Variants in COL16A1 observed in about 807,000 individuals in gnomAD.
COL16A1 encodes collagen alpha-1(XVI) chain.
In COL16A1, 189 loss-of-function variants were observed where a neutral mutation model predicts 266.3. The ratio of observed to expected loss-of-function variants is 0.71; its 90% confidence interval spans 0.63 to 0.80. The LOEUF is 0.80. Among genes scored for constraint, COL16A1 ranks in the 30% least tolerant of loss-of-function variants. The probability of loss-of-function intolerance (pLI) is 0.00; values close to 1 mark genes in which losing one functional copy is unlikely to be tolerated. For missense variants in COL16A1, 1,928 were observed against 2,122.4 expected, an observed-to-expected ratio of 0.91 and a Z score of 1.80; for synonymous variants, 740 against 782.3, an observed-to-expected ratio of 0.95 and a Z score of 0.90.
Position 31,697,382 on chromosome 1 carries a change from C to T in COL16A1, c.658-82G>A. On this transcript the variant is annotated intron_variant, in intron 6 of 70. Coordinates refer to ENST00000373672, the MANE Select transcript of COL16A1 (RefSeq NM_001856.4). The surrounding 1 kb of genome is among the most constrained non-coding windows in gnomAD (Gnocchi z 4.2). Reference sequence around the variant, plus strand: ...GGCCCCCCAGGAGGCACAGAGATGTCTCTGCCCCAGGATGTGACCTCAGGG... The same window carrying T: ...GGCCCCCCAGGAGGCACAGAGATGTTTCTGCCCCAGGATGTGACCTCAGGG... 3 of 1,379,638 alleles carry T rather than the reference C, an allele frequency of 2.2e-6. No homozygotes were observed. Among genetic ancestry groups the T allele is most frequent in the Non-Finnish European group, 3.0e-6 (3 of 1,005,382 alleles). The allele number at this position is 1,379,638 out of a possible 1,614,324, so 85.5% of individuals were successfully genotyped here. A position where few individuals can be genotyped will look rare whatever the true frequency, so the allele number is the denominator to read the frequency against.
intron 1 of COL16A1, among the ~76,000 whole-genome samples, chr1:31,703,611 G>A (rs1644796716): frequency 6.6e-6 from 1 of 152,238 alleles, no homozygotes; most frequent in Non-Finnish European, 1.5e-5. Flanking sequence ...AGGGCTGCAA[G>A]GACAGAGCCA....
chr1:31,660,552 T>C, intron 62 of COL16A1, 33 bp downstream of exon 62: 1 of 1,613,142 alleles, frequency 6.2e-7, no homozygotes, highest in African/African-American at 1.3e-5. Context: ...TGCTAACTCT[T>C]ATGGAGACAG....
rs1417082463 is a variant in COL16A1, at chr1:31,698,472, G to A, written c.390+11C>T. 1.2e-6 allele frequency: 2 copies of A among 1,613,924 alleles called. No individual in the cohort carries two copies. Among genetic ancestry groups the A allele is most frequent in the African/African-American group, 2.7e-5 (2 of 74,904 alleles). On this transcript the variant is annotated intron_variant, in intron 5 of 70. Transcript: ENST00000373672. This position sits in a 1 kb window ranked among gnomAD's most constrained non-coding sequence, Gnocchi z 4.1. ...GCCCTAAGAGGCAATCAGGGCACAG[G>A]GGAGGTTCACCTGTGGATACCCATT...
At chr1:31,696,475 A>T (rs1260155926) in intron 8 of COL16A1, among the ~76,000 whole-genome samples, 1 of 152,320 alleles carries the variant, frequency 6.6e-6, no homozygotes, top group East Asian at 1.9e-4. Flanking sequence ...CCAGGCTTCC[A>T]TGCCACCTCT....
At chr1:31,677,104 T>A (rs1053762716) in intron 42 of COL16A1, among the ~76,000 whole-genome samples, 1 of 146,670 alleles carries the variant, frequency 6.8e-6, no homozygotes, top group African/African-American at 2.5e-5. Flanking sequence ...TATTATTATT[T>A]TTGAGATGTA....
chr1:31,687,795 AG>A (rs1321931292), intron 26 of COL16A1, among the ~76,000 whole-genome samples: 1 of 152,146 alleles, frequency 6.6e-6, no homozygotes, highest in Non-Finnish European at 1.5e-5. Flanking sequence ...TTCCCCTGTT[AG>A]GGTTGAGTCT....
intron 31 of COL16A1, 96 bp from the exon 32 acceptor site, chr1:31,684,327 G>A: frequency 6.9e-7 from 1 of 1,445,318 alleles, no homozygotes; most frequent in Admixed American, 2.8e-5. Context: ...CCCCTTGAAT[G>A]CTCCCACGTC....
Position 31,691,226 on chromosome 1 carries a change from CCT to C in COL16A1, c.1399-2_1399-1del. The C allele has an allele frequency of 6.2e-7, 1 of 1,613,992 alleles. No individual in the cohort carries two copies. Among genetic ancestry groups the C allele is most frequent in the Middle Eastern group, 1.7e-4 (1 of 6,056 alleles). On this transcript the variant is annotated splice_acceptor_variant, in intron 19 of 70. Transcript: ENST00000373672. LOFTEE classifies it high-confidence loss of function. ...GGGCCTGGTGGGCCACCTGGATCCC[CCT>C]GAGGGCAGAAACAGAGTCACGTGGA...
chr1:31,656,998 C>A lies in COL16A1; in HGVS notation c.4056+35G>T, dbSNP rs1397719010. On this transcript the variant is annotated intron_variant, in intron 65 of 70. Transcript: ENST00000373672. The surrounding 1 kb of genome is among the most constrained non-coding windows in gnomAD (Gnocchi z 4.2). ...GGGCAAGGCGAGGAGCAAGAAGCAC[C>A]CCCAAGGAAACAGAGAAGACCAGTA... The A allele has an allele frequency of 6.2e-7, 1 of 1,614,088 alleles. No homozygotes were observed. The highest frequency in any genetic ancestry group is 1.1e-5 in the South Asian group (1 of 91,080).
In COL16A1 at chr1:31,696,961, A is replaced by C. The variant is rs759825393; in HGVS notation, c.864+2T>G. 1 of 1,613,630 alleles carries C rather than the reference A, an allele frequency of 6.2e-7. No homozygotes were observed. The highest frequency in any genetic ancestry group is 8.5e-7 in the Non-Finnish European group (1 of 1,179,986). On this transcript the variant is annotated splice_donor_variant, in intron 8 of 70. Transcript: ENST00000373672. LOFTEE classifies it high-confidence loss of function. The stretch of plus-strand genomic sequence containing the variant: ...TGGCATCCACCTGTCCTGCCCACCC[A>C]CCTCGCTGTTTTGAGGCTCCTCCAG...
In COL16A1 at chr1:31,688,853, T is replaced by C. The variant is rs372797676; in HGVS notation, c.1767+8A>G. 6.2e-7 allele frequency: 1 copy of C among 1,611,410 alleles called. No homozygotes were observed. The highest frequency in any genetic ancestry group is 8.5e-7 in the Non-Finnish European group (1 of 1,178,596). On this transcript the variant is annotated splice_region_variant and intron_variant, in intron 25 of 70. Coordinates refer to ENST00000373672, the MANE Select transcript of COL16A1 (RefSeq NM_001856.4). The surrounding 1 kb of genome is among the most constrained non-coding windows in gnomAD (Gnocchi z 4.9). ...ACTGGGCTGGGCTGGGAGAAAGTCGTCACTCACCGGAAGGCCAGGCAGACC... is the reference window on the plus strand; with the variant it reads ...ACTGGGCTGGGCTGGGAGAAAGTCGCCACTCACCGGAAGGCCAGGCAGACC...
At chr1:31,679,955 T>C (rs1570479450) in intron 40 of COL16A1, 87 bp downstream of exon 40, 1 of 1,579,712 alleles carries the variant, frequency 6.3e-7, no homozygotes, top group African/African-American at 1.4e-5. Context: ...TGCGTGGCCC[T>C]GCGGGGCCTT....
At position 31,691,243 on chromosome 1, in the gene COL16A1, A is replaced by G. The variant is rs1199427367; in HGVS notation, c.1399-17T>C. 6.2e-7 allele frequency: 1 copy of G among 1,613,532 alleles called. No individual in the cohort carries two copies. The highest frequency in any genetic ancestry group is 1.1e-5 in the South Asian group (1 of 90,978). On this transcript the variant is annotated splice_polypyrimidine_tract_variant and intron_variant, in intron 19 of 70. Transcript: ENST00000373672. ...TGGATCCCCCTGAGGGCAGAAACAGAGTCACGTGGAAGTTTCCAGGGACCA... is the reference window on the plus strand; with the variant it reads ...TGGATCCCCCTGAGGGCAGAAACAGGGTCACGTGGAAGTTTCCAGGGACCA...
chr1:31,663,022 C>T lies in COL16A1; in HGVS notation c.3556-364G>A. On this transcript the variant is annotated intron_variant, in intron 56 of 70. Transcript: ENST00000373672. The surrounding 1 kb of genome is among the most constrained non-coding windows in gnomAD (Gnocchi z 4.9). Reference sequence around the variant, plus strand: ...TGTTGTATTCTACTCCATCAGACCCCCTGCCTCCTCCCCACCTACCTCCCT... The same window carrying T: ...TGTTGTATTCTACTCCATCAGACCCTCTGCCTCCTCCCCACCTACCTCCCT... 1 of 307,622 alleles carries T rather than the reference C, an allele frequency of 3.3e-6. No homozygotes were observed. The highest frequency in any genetic ancestry group is 6.2e-6 in the Non-Finnish European group (1 of 161,816). 19.1% of individuals were successfully genotyped at this position (307,622 alleles called of 1,614,324 possible).
intron 20 of COL16A1, 101 bp from the exon 21 acceptor site, chr1:31,690,674 C>A (rs189227001): frequency 3.3e-6 from 5 of 1,511,426 alleles, no homozygotes; most frequent in Non-Finnish European, 4.4e-6. Flanking sequence ...GCAGAACAAT[C>A]GTTGCCAAAT....
chr1:31,658,772 T>C, intron 63 of COL16A1, 142 bp downstream of exon 63: 1 of 1,145,476 alleles, frequency 8.7e-7, no homozygotes, highest in Non-Finnish European at 1.3e-6. Flanking sequence ...GGCGAGATCT[T>C]TGGAGGCAGG....
chr1:31,666,434 G>A, intron 52 of COL16A1: 1 of 300,972 alleles, frequency 3.3e-6, no homozygotes, highest in Non-Finnish European at 6.2e-6. Context: ...GGTCTTTGAG[G>A]CAGCCTGTGA....
rs575692562 is a variant in COL16A1, at chr1:31,652,947, T to A, written c.4613-94A>T. On this transcript the variant is annotated intron_variant, in intron 70 of 70. Transcript: ENST00000373672. This position sits in a 1 kb window ranked among gnomAD's most constrained non-coding sequence, Gnocchi z 4.8. Reference sequence around the variant, plus strand: ...GCATCAAATAATACCTTACATTTGATGACTGTTTCTCAAGTTACCACATGT... The same window carrying A: ...GCATCAAATAATACCTTACATTTGAAGACTGTTTCTCAAGTTACCACATGT... The A allele has an allele frequency of 5.0e-5, 62 of 1,239,272 alleles. No individual in the cohort carries two copies. Among genetic ancestry groups the A allele is most frequent in the African/African-American group, 6.2e-5 (4 of 64,664 alleles). The allele number at this position is 1,239,272 out of a possible 1,614,324, so 76.8% of individuals were successfully genotyped here.
intron 43 of COL16A1, 75 bp downstream of exon 43, chr1:31,675,183 G>T (rs1029822482): frequency 1.2e-6 from 2 of 1,612,606 alleles, no homozygotes; most frequent in Non-Finnish European, 1.7e-6. Context: ...CAGCTACCGG[G>T]CCAGCTTCAT....
Sources: gnomAD v4.1 joint callset for allele counts (sites outside exome capture counted in the v4.1 genomes callset) on GRCh38, gnomAD v4.1.1 for gene constraint, Gnocchi (gnomAD v3.1) non-coding constraint, MANE v1.5 for transcripts, NCBI Gene and HGNC (gene_info 2026-07-23, HGNC 2026-07-21) for gene names.